Variants in MUC4 observed in about 807,000 individuals in gnomAD.
The protein encoded by MUC4 is mucin-4.
Under a neutral mutation model 257.9 loss-of-function variants are expected in MUC4, and 202 were observed. That is an observed-to-expected ratio of 0.78 (90% CI 0.70 to 0.88). The LOEUF (loss-of-function observed/expected upper bound fraction) is 0.88. MUC4 is among the 40% of genes least tolerant of loss of function. The probability of loss-of-function intolerance (pLI) is 0.00; values close to 1 mark genes in which losing one functional copy is unlikely to be tolerated. For synonymous variants in MUC4, 2,351 were observed against 2,757.1 expected (o/e 0.85, Z 4.62); for missense variants, 5,976 against 6,513.7 (o/e 0.92, Z 2.84).
Position 195,782,111 on chromosome 3 carries a change from C to G in MUC4, c.9469G>C (p.Asp3157His), listed in dbSNP as rs879840846. The stretch of plus-strand genomic sequence containing the variant: ...TGACCTGTGGATGCTGAGGAAGTGT[C>G]GGTGACAGGAAGAGGGGTGGTGTCA... Reference protein sequence around the residue: ...TGDTTPLPVTDTSSASTGQAT... With the variant: ...TGDTTPLPVTHTSSASTGQAT... Residue 3157 changes from aspartate to histidine, a missense_variant, in exon 2 of 25, where the codon GAC becomes CAC. Coordinates refer to ENST00000463781, the MANE Select transcript of MUC4 (RefSeq NM_018406.7). 6.2e-6 allele frequency: 8 copies of G among 1,283,562 alleles called. No individual in the cohort carries two copies. The African/African-American group carries it at 8.2e-5, about 13-fold the overall frequency. 79.5% of individuals were successfully genotyped at this position (1,283,562 alleles called of 1,614,324 possible). A position where few individuals can be genotyped will look rare whatever the true frequency, so the allele number is the denominator to read the frequency against.
At chr3:195,778,592 C>T in intron 2 of MUC4, 137 bp from the exon 3 acceptor site, 2 of 1,322,128 alleles carry the variant, frequency 1.5e-6, no homozygotes, top group South Asian at 2.9e-5. Context: ...CCAAACTACT[C>T]TCGACATCAG....
chr3:195,751,506 C>G lies in MUC4; in HGVS notation c.15583-235G>C, dbSNP rs114120044. On this transcript the variant is annotated intron_variant, in intron 21 of 24. Transcript: ENST00000463781. ...TGAAGGGTTTTCCATTCTGTCCCCC[C>G]CTCAGCCTCATATGACGAGCAGAGA... The G allele has an allele frequency of 4.9e-3, 2,937 of 594,256 alleles. 9 individuals carry two copies. Among genetic ancestry groups the G allele is most frequent in the Non-Finnish European group, 6.4e-3 (2,142 of 333,314 alleles). The allele number at this position is 594,256 out of a possible 1,614,324, so 36.8% of individuals were successfully genotyped here. A position where few individuals can be genotyped will look rare whatever the true frequency, so the allele number is the denominator to read the frequency against.
Position 195,787,030 on chromosome 3 carries a change from T to A in MUC4, c.4550A>T (p.His1517Leu), listed in dbSNP as rs1291108005. ...VTSPSSASTG[H>L]ATPLPVTSLS... The stretch of plus-strand genomic sequence containing the variant: ...GCTGGTGACAGGAAGAGGGGTGGCG[T>A]GACCTGTGGATGCTGAGGAAGGGCT... Residue 1517 changes from histidine to leucine, a missense_variant, in exon 2 of 25, where the codon CAC becomes CTC. This residue lies in a region of MUC4 where 19 missense variants were observed against 83.2 expected (regional missense o/e 0.23). Coordinates refer to ENST00000463781, the MANE Select transcript of MUC4 (RefSeq NM_018406.7). The A allele has an allele frequency of 6.8e-7, 1 of 1,464,442 alleles. No individual in the cohort carries two copies. The highest frequency in any genetic ancestry group is 1.7e-5 in the African/African-American group (1 of 59,336). The allele number at this position is 1,464,442 out of a possible 1,614,324, so 90.7% of individuals were successfully genotyped here. A position where few individuals can be genotyped will look rare whatever the true frequency, so the allele number is the denominator to read the frequency against.
At position 195,781,335 on chromosome 3, in the gene MUC4, GGAAGGGC is replaced by G. The variant is rs1727815574; in HGVS notation, c.10238_10244del (p.Ser3413ThrfsTer844). The G allele has an allele frequency of 6.6e-7, 1 of 1,504,568 alleles. No individual in the cohort carries two copies. Among genetic ancestry groups the G allele is most frequent in the African/African-American group, 1.4e-5 (1 of 69,350 alleles). 93.2% of individuals were successfully genotyped at this position (1,504,568 alleles called of 1,614,324 possible). On this transcript the variant is annotated frameshift_variant, in exon 2 of 25. Transcript: ENST00000463781. LOFTEE classifies it high-confidence loss of function. ...GGGTGGCGTGACCTGTGGATGCTGA[GGAAGGGC>G]TAGTGACAGGAAGAGGCATGGTGTC...
At position 195,781,301 on chromosome 3, in the gene MUC4, C is replaced by A. The variant is rs1283637443; in HGVS notation, c.10279G>T (p.Val3427Phe). 2 of 1,428,462 alleles carry A rather than the reference C, an allele frequency of 1.4e-6. No individual in the cohort carries two copies. Among genetic ancestry groups the A allele is most frequent in the East Asian group, 2.5e-5 (1 of 39,946 alleles). The allele number at this position is 1,428,462 out of a possible 1,614,324, so 88.5% of individuals were successfully genotyped here. A position where few individuals can be genotyped will look rare whatever the true frequency, so the allele number is the denominator to read the frequency against. The change falls in exon 2 of 25, where the codon GTC (valine) becomes TTC (phenylalanine). Residue 3427 changes from valine to phenylalanine, a missense_variant. Coordinates refer to ENST00000463781, the MANE Select transcript of MUC4 (RefSeq NM_018406.7). ...ASTGHATPLPVTSTSSASTGH... is the reference protein window; with the variant it reads ...ASTGHATPLPFTSTSSASTGH... ...GTGGATGCTGAGGAAGTGCTGGTGACAGGAAGAGGGGTGGCGTGACCTGTG... is the reference window on the plus strand; with the variant it reads ...GTGGATGCTGAGGAAGTGCTGGTGAAAGGAAGAGGGGTGGCGTGACCTGTG...
In MUC4 at chr3:195,763,591, TG is replaced by T; in HGVS notation, c.14094del (p.Tyr4698Ter). The T allele has an allele frequency of 6.3e-7, 1 of 1,591,162 alleles. No individual in the cohort carries two copies. Among genetic ancestry groups the T allele is most frequent in the Non-Finnish European group, 8.6e-7 (1 of 1,167,300 alleles). On this transcript the variant is annotated frameshift_variant, in exon 12 of 25. Transcript: ENST00000463781. LOFTEE classifies it high-confidence loss of function. Reference sequence around the variant, plus strand: ...AGGAAGTCCCCCAGCCCATTGAAGGTGTAACTGACACCATCCAAGGTGGTGA... The same window carrying T: ...AGGAAGTCCCCCAGCCCATTGAAGGTTAACTGACACCATCCAAGGTGGTGA... ...PHITTLDGVS[Y>X]TFNGLGDFLL...
At chr3:195,772,347 T>C (rs112431434) in intron 4 of MUC4, among the ~76,000 whole-genome samples, 4,273 of 128,364 alleles carry the variant, frequency 0.033, 171 homozygotes, top group Middle Eastern at 0.14. Flanking sequence ...AGACACCCTC[T>C]CTCCATCGCT....
In MUC4 at chr3:195,762,179, CAGCCGTCGA is replaced by C. The variant is rs1719125920; in HGVS notation, c.14411_14419del (p.Phe4804_Gly4806del). 4.4e-6 allele frequency: 7 copies of C among 1,606,216 alleles called. No homozygotes were observed. Among genetic ancestry groups the C allele is most frequent in the Non-Finnish European group, 5.9e-6 (7 of 1,176,622 alleles). ...GAGCGCGATCACCGAGACGGTGGCC[CAGCCGTCGA>C]AGCTGGCCGAGACCTCAGAGCCGTT... On this transcript the variant is annotated inframe_deletion, in exon 14 of 25. Coordinates refer to ENST00000463781, the MANE Select transcript of MUC4 (RefSeq NM_018406.7).
At chr3:195,794,578 T>G (rs1734334255) in intron 1 of MUC4, among the ~76,000 whole-genome samples, 1 of 152,114 alleles carries the variant, frequency 6.6e-6, no homozygotes, top group Admixed American at 6.5e-5. Context: ...CCTAGGCTGG[T>G]GTCGAACTCC....
At position 195,779,726 on chromosome 3, in the gene MUC4, G is replaced by C; in HGVS notation, c.11854C>G (p.Pro3952Ala). 9.0e-7 allele frequency: 1 copy of C among 1,106,596 alleles called. No individual in the cohort carries two copies. Among genetic ancestry groups the C allele is most frequent in the Non-Finnish European group, 1.2e-6 (1 of 832,984 alleles). 68.5% of individuals were successfully genotyped at this position (1,106,596 alleles called of 1,614,324 possible). ...GAGGAAGTGTCGGTGACAGGAAGAG[G>C]GGTGGTGTCACCTGTGGATGCTGAG... ...TSSASTGDTT[P>A]LPVTDTSSVS... Residue 3952 changes from proline to alanine, a missense_variant, in exon 2 of 25, where the codon CCT (proline) becomes GCT (alanine). Physicochemically the swap from Pro to Ala is conservative, Grantham distance 27. This residue lies in a region of MUC4 where 293 missense variants were observed against 294.5 expected (regional missense o/e 1.00). Transcript: ENST00000463781.
intron 12 of MUC4, 103 bp from the exon 13 acceptor site, chr3:195,763,048 CG>C (rs1318231516): frequency 9.8e-7 from 1 of 1,023,972 alleles, no homozygotes; most frequent in Non-Finnish European, 1.4e-6. Context: ...CGCCCTGGGC[CG>C]GGAGGAAGGC....
chr3:195,775,453 A>G lies in MUC4; in HGVS notation c.12944-1148T>C, dbSNP rs867787017. Among the ~76,000 whole-genome samples, 222 of 87,710 alleles carry G rather than the reference A, an allele frequency of 2.5e-3. 38 individuals carry two copies. The highest frequency in any genetic ancestry group is 0.01 in the African/African-American group (192 of 18,790). The allele number at this position is 87,710 out of a possible 152,430, so 57.5% of individuals were successfully genotyped here. On this transcript the variant is annotated intron_variant, in intron 3 of 24. Coordinates refer to ENST00000463781, the MANE Select transcript of MUC4 (RefSeq NM_018406.7). ...TACCTTCCACACCCATACCTTCCAC[A>G]CCCATACCTTCCACAGTCATACCTT... is the stretch of plus-strand genomic sequence containing the variant.
rs142466346 is a variant in MUC4, at chr3:195,779,821, C to G, written c.11759G>C (p.Arg3920Pro). 424 of 849,866 alleles carry G rather than the reference C, an allele frequency of 5.0e-4. 96 individuals carry two copies. In the African/African-American group the frequency reaches 8.6e-3, roughly 17 times the overall value. The allele number at this position is 849,866 out of a possible 1,614,324, so 52.6% of individuals were successfully genotyped here. Reference sequence around the variant, plus strand: ...CGAGGAAACGTCGGTGACAGGAAGACGGGTGGTGTCATCTGTGGAAGCTGA... The same window carrying G: ...CGAGGAAACGTCGGTGACAGGAAGAGGGGTGGTGTCATCTGTGGAAGCTGA... Reference protein sequence around the residue: ...TSSASTDDTTRLPVTDVSSAS... With the variant: ...TSSASTDDTTPLPVTDVSSAS... Residue 3920 changes from arginine to proline, a missense_variant, in exon 2 of 25, where the codon CGT becomes CCT. Arg to Pro is a moderately radical substitution (Grantham distance 103). Transcript: ENST00000463781.
rs79083745 is a variant in MUC4, at chr3:195,782,270, G to T, written c.9310C>A (p.Pro3104Thr). Reference sequence around the variant, plus strand: ...GAGGAAGGGCTAGTGACAGGAAGAGGCGTGGTGTCACCTGTGGATACTGAG... The same window carrying T: ...GAGGAAGGGCTAGTGACAGGAAGAGTCGTGGTGTCACCTGTGGATACTGAG... ...LSSVSTGDTT[P>T]LPVTSPSSAS... Residue 3104 changes from proline (P) to threonine (T), a missense_variant, in exon 2 of 25, where the codon CCT becomes ACT. This residue lies in a region of MUC4 where 128 missense variants were observed against 104.8 expected (regional missense o/e 1.22). Coordinates refer to ENST00000463781, the MANE Select transcript of MUC4 (RefSeq NM_018406.7). 2.6e-6 allele frequency: 4 copies of T among 1,525,632 alleles called. No individual in the cohort carries two copies. The Admixed American group carries it at 6.0e-5, about 23-fold the overall frequency. 94.5% of individuals were successfully genotyped at this position (1,525,632 alleles called of 1,614,324 possible).
At chr3:195,795,669 G>A (rs190322235) in intron 1 of MUC4, among the ~76,000 whole-genome samples, 47 of 151,814 alleles carry the variant, frequency 3.1e-4, no homozygotes, top group African/African-American at 9.4e-4. Flanking sequence ...AGCTGGAACC[G>A]CCAGCAAAAA....
intron 10 of MUC4, among the ~76,000 whole-genome samples, chr3:195,764,560 G>C (rs1720001595): frequency 6.6e-6 from 1 of 152,080 alleles, no homozygotes; most frequent in African/African-American, 2.4e-5. Context: ...ACGGCTGACG[G>C]TCTGGGAACT....
chr3:195,781,380 T>C lies in MUC4; in HGVS notation c.10200A>G (p.Ser3400=), dbSNP rs751690632. 884 of 1,521,578 alleles carry C rather than the reference T, an allele frequency of 5.8e-4. 88 individuals are homozygous for C. The African/African-American group carries it at 0.011, about 18-fold the overall frequency. The allele number at this position is 1,521,578 out of a possible 1,614,324, so 94.3% of individuals were successfully genotyped here. Residue 3400 remains serine (S), a synonymous_variant, in exon 2 of 25, where the codon TCA becomes TCG. Coordinates refer to ENST00000463781, the MANE Select transcript of MUC4 (RefSeq NM_018406.7). ...ATPLPVTNTS[S]VSTGDTMPLP... is the part of the protein sequence containing the mutation. ...GAGGCATGGTGTCACCTGTGGATAC[T>C]GAGGAAGTGTTGGTGACAGGAAGAG...
intron 16 of MUC4, among the ~76,000 whole-genome samples, chr3:195,759,800 T>G (rs942723362): frequency 3.3e-5 from 5 of 150,600 alleles, no homozygotes; most frequent in African/African-American, 1.2e-4. Context: ...GTGCCTGTAA[T>G]CTCAGCTATT....
In MUC4 at chr3:195,753,095, C is replaced by A; in HGVS notation, c.15464G>T (p.Arg5155Leu). The A allele has an allele frequency of 1.2e-6, 2 of 1,610,260 alleles. No homozygotes were observed. Among genetic ancestry groups the A allele is most frequent in the Non-Finnish European group, 1.7e-6 (2 of 1,178,064 alleles). ...GAAGTTGTTCCCAGCCAGGAAGCAG[C>A]GGCTGTCAGTGAAGGCTGGGGGGCA... ...CTCPPAFTDS[R>L]CFLAGNNFSP... Residue 5155 changes from arginine (R) to leucine (L), a missense_variant, in exon 20 of 25, where the codon CGC (arginine) becomes CTC (leucine). Physicochemically the swap from Arg to Leu is moderately radical, Grantham distance 102 (BLOSUM62 -2). Coordinates refer to ENST00000463781, the MANE Select transcript of MUC4 (RefSeq NM_018406.7).
Sources: allele counts gnomAD v4.1 joint callset (sites outside exome capture counted in the v4.1 genomes callset), GRCh38; gene constraint gnomAD v4.1.1; regional missense constraint gnomAD v4.1.1; transcripts MANE v1.5; gene names NCBI Gene and HGNC (gene_info 2026-07-23, HGNC 2026-07-21).